Variants in ITPK1 observed in about 807,000 individuals in gnomAD.
ITPK1 encodes inositol-tetrakisphosphate 1-kinase.
Under a neutral mutation model 45.3 loss-of-function variants are expected in ITPK1, and 21 were observed. The ratio of observed to expected loss-of-function variants is 0.46; its 90% CI spans 0.33 to 0.67. The LOEUF is 0.67. Ranked by LOEUF, ITPK1 falls within the 30% of genes least tolerant of loss-of-function variation. The probability of loss-of-function intolerance (pLI) is 0.02; values close to 1 mark genes in which losing one functional copy is unlikely to be tolerated. For synonymous variants in ITPK1, 258 were observed against 253.6 expected (o/e 1.02, Z -0.16); for missense variants, 474 against 573.5 (o/e 0.83, Z 1.77).
intron 2 of ITPK1, among the ~76,000 whole-genome samples, chr14:93,093,670 C>T (rs896678245): frequency 6.6e-6 from 1 of 152,208 alleles, no homozygotes; most frequent in Non-Finnish European, 1.5e-5. Context: ...GCTGAGGCCA[C>T]CGGCCCCATA....
intron 9 of ITPK1, among the ~76,000 whole-genome samples, chr14:92,947,378 C>T (rs906544254): frequency 5.9e-5 from 9 of 152,214 alleles, no homozygotes; most frequent in African/African-American, 1.9e-4. Flanking sequence ...CTGTGCCTGT[C>T]GCAGCTGGCC....
chr14:93,079,063 CTT>C (rs1451363993), intron 2 of ITPK1, among the ~76,000 whole-genome samples: 1 of 152,236 alleles, frequency 6.6e-6, no homozygotes, highest in Non-Finnish European at 1.5e-5. Context: ...ACTCTCCTCT[CTT>C]TACTGAGGTC....
chr14:93,074,974 G>A lies in ITPK1; in HGVS notation c.120+1621C>T, dbSNP rs572087379. 3.9e-5 allele frequency among the ~76,000 whole-genome samples: 6 copies of A among 152,134 alleles called. No homozygotes were observed. In the East Asian group the frequency reaches 1.2e-3, roughly 29 times the overall value. On this transcript the variant is annotated intron_variant, in intron 3 of 10. Transcript: ENST00000267615. ...ATGGTCCCTGAACACACACCCCTAA[G>A]CCATTCCTGAATTCCAGTATCCCCC...
intron 2 of ITPK1, among the ~76,000 whole-genome samples, chr14:93,094,360 C>G (rs1196203726): frequency 6.6e-6 from 1 of 152,180 alleles, no homozygotes; most frequent in African/African-American, 2.4e-5. Context: ...TCAGAGGAGG[C>G]TGAGAGGGAA....
intron 5 of ITPK1, among the ~76,000 whole-genome samples, chr14:92,990,755 G>A (rs942903957): frequency 1.3e-5 from 2 of 152,308 alleles, no homozygotes; most frequent in African/African-American, 4.8e-5. Context: ...CTGATGCTCT[G>A]CAGGGAGACA....
chr14:93,025,380 T>A (rs1268983223), intron 3 of ITPK1, among the ~76,000 whole-genome samples: 1 of 152,262 alleles, frequency 6.6e-6, no homozygotes, highest in East Asian at 1.9e-4. Flanking sequence ...TTTCTGTAAT[T>A]CAAATGTATA....
At chr14:93,096,034 G>C (rs1892066373) in intron 2 of ITPK1, among the ~76,000 whole-genome samples, 1 of 152,094 alleles carries the variant, frequency 6.6e-6, no homozygotes, top group African/African-American at 2.4e-5. Context: ...CTGCATGCTG[G>C]GGCCTGGAAA....
At position 92,941,492 on chromosome 14, in the gene ITPK1, G is replaced by T. The variant is rs554058471; in HGVS notation, c.*69C>A. On this transcript the variant is annotated 3_prime_UTR_variant, in exon 11 of 11. Transcript: ENST00000267615. Reference sequence around the variant, plus strand: ...GGGGATTCTTAGTAGTAGCATCGCCGTTGGGAGCTGCTGGCCCAGCGGGTG... The same window carrying T: ...GGGGATTCTTAGTAGTAGCATCGCCTTTGGGAGCTGCTGGCCCAGCGGGTG... The T allele has an allele frequency of 6.9e-7, 1 of 1,451,242 alleles. No individual in the cohort carries two copies. The highest frequency in any genetic ancestry group is 1.4e-5 in the South Asian group (1 of 73,704). 89.9% of individuals were successfully genotyped at this position (1,451,242 alleles called of 1,614,324 possible).
intron 3 of ITPK1, among the ~76,000 whole-genome samples, chr14:93,019,824 G>A (rs1287503836): frequency 6.6e-6 from 1 of 152,166 alleles, no homozygotes; most frequent in Non-Finnish European, 1.5e-5. Context: ...CGGGGGGAAG[G>A]ACACCACAGA....
intron 3 of ITPK1, among the ~76,000 whole-genome samples, chr14:93,055,898 G>T (rs1181528864): frequency 6.6e-6 from 1 of 152,182 alleles, no homozygotes; most frequent in African/African-American, 2.4e-5. Flanking sequence ...CGCTGGCTGG[G>T]GTCTGAGCAC....
intron 2 of ITPK1, among the ~76,000 whole-genome samples, chr14:93,098,315 G>A (rs1892167415): frequency 1.3e-5 from 2 of 152,044 alleles, no homozygotes; most frequent in Admixed American, 1.3e-4. Flanking sequence ...AAAGTAGCCG[G>A]GCATGGTGGC....
intron 5 of ITPK1, among the ~76,000 whole-genome samples, chr14:92,979,876 G>A (rs1219319047): frequency 6.6e-6 from 1 of 151,190 alleles, no homozygotes; most frequent in Non-Finnish European, 1.5e-5. Context: ...TGCAGTGTGT[G>A]ATCTCAGCTC....
chr14:92,971,982 C>T (rs557846845), intron 5 of ITPK1, among the ~76,000 whole-genome samples: 1 of 152,298 alleles, frequency 6.6e-6, no homozygotes, highest in East Asian at 1.9e-4. Context: ...CCCAGCACCG[C>T]GACCTCTTCC....
rs186638208 is a variant in ITPK1 at position 92,993,611 on chromosome 14, T to C, written c.364+269A>G. Among the ~76,000 whole-genome samples, 4 of 152,238 alleles carry C rather than the reference T, an allele frequency of 2.6e-5. No individual in the cohort carries two copies. The East Asian group carries it at 7.7e-4, about 29-fold the overall frequency. On this transcript the variant is annotated intron_variant, in intron 5 of 10. Coordinates refer to ENST00000267615, the MANE Select transcript of ITPK1 (RefSeq NM_014216.6). ...TCCAGCCACTGTGTTACCGGGACAC[T>C]TCAATGTCACCCATGGGTTCAACAC...
intron 3 of ITPK1, among the ~76,000 whole-genome samples, chr14:93,021,592 C>CAAAAAAA (rs553457298): frequency 1.4e-5 from 2 of 140,150 alleles, no homozygotes; most frequent in African/African-American, 2.8e-5. Flanking sequence ...GACCCTGTCT[C>CAAAAAAA]AAAAAAAAAA....
rs1015354274 is a variant in ITPK1, at chr14:92,940,400, C to T, written c.*1161G>A. 2 of 1,027,842 alleles carry T rather than the reference C, an allele frequency of 1.9e-6. No homozygotes were observed. Among genetic ancestry groups the T allele is most frequent in the East Asian group, 1.0e-4 (1 of 9,700 alleles). 63.7% of individuals were successfully genotyped at this position (1,027,842 alleles called of 1,614,324 possible). ...CAGGGGTCAGACGGCAGAGCCAGTG[C>T]TTTGCTGCCAAGGTGATGGGGTGAG... On this transcript the variant is annotated 3_prime_UTR_variant, in exon 11 of 11. Coordinates refer to ENST00000267615, the MANE Select transcript of ITPK1 (RefSeq NM_014216.6).
At chr14:92,951,687 G>A (rs531788402) in intron 9 of ITPK1, among the ~76,000 whole-genome samples, 3 of 152,234 alleles carry the variant, frequency 2.0e-5, no homozygotes, top group African/African-American at 7.2e-5. Flanking sequence ...GCAGTGAGTG[G>A]TCTGTCCCTG....
intron 5 of ITPK1, among the ~76,000 whole-genome samples, chr14:92,967,261 T>C (rs764728343): frequency 5.3e-5 from 8 of 152,186 alleles, no homozygotes; most frequent in Admixed American, 3.9e-4. Context: ...TATTTAAAAA[T>C]GGGCAAAGGA....
At chr14:93,015,389 C>T (rs1186563639) in intron 4 of ITPK1, among the ~76,000 whole-genome samples, 4 of 152,226 alleles carry the variant, frequency 2.6e-5, no homozygotes, top group Non-Finnish European at 5.9e-5. Flanking sequence ...GGAAGCAGCA[C>T]ATCACCAGGG....
Sources: gnomAD v4.1 joint callset for allele counts (sites outside exome capture counted in the v4.1 genomes callset) on GRCh38, gnomAD v4.1.1 for gene constraint, MANE v1.5 for transcripts, NCBI Gene and HGNC (gene_info 2026-07-23, HGNC 2026-07-21) for gene names.